Variants in TENM4 observed in about 807,000 individuals in gnomAD.
The protein encoded by TENM4 is teneurin transmembrane protein 4.
TENM4 carries 82 observed loss-of-function variants against 243.3 expected under a neutral mutation model. The observed-to-expected ratio is 0.34, with a 90% CI of 0.28 to 0.40. TENM4 has a LOEUF of 0.40. Ranked by LOEUF, TENM4 falls within the 10% of genes least tolerant of loss-of-function variation. The pLI is 1.00. For missense variants in TENM4, 3,138 were observed against 3,673.3 expected (o/e 0.85, Z 3.77); for synonymous variants, 1,412 against 1,456.3 (o/e 0.97, Z 0.69).
chr11:78,858,294 C>T (rs1394761519), intron 10 of TENM4, among the ~76,000 whole-genome samples: 1 of 152,012 alleles, frequency 6.6e-6, no homozygotes, highest in Non-Finnish European at 1.5e-5. Context: ...CAAAAGGGGA[C>T]TTTTCTAGCA....
intron 15 of TENM4, among the ~76,000 whole-genome samples, chr11:78,800,399 G>A (rs2136073077): frequency 6.6e-6 from 1 of 152,314 alleles, no homozygotes; most frequent in Admixed American, 6.5e-5. Context: ...AAACTAACAT[G>A]ATCTAGGTCT....
At chr11:78,848,293 G>C (rs113285185) in intron 12 of TENM4, among the ~76,000 whole-genome samples, 43 of 152,122 alleles carry the variant, frequency 2.8e-4, no homozygotes, top group African/African-American at 9.9e-4. Context: ...AAAAGCCTGC[G>C]ATAGTGCCTA....
At chr11:78,972,475 T>A (rs1204731895) in intron 6 of TENM4, among the ~76,000 whole-genome samples, 5 of 152,162 alleles carry the variant, frequency 3.3e-5, no homozygotes, top group Non-Finnish European at 7.3e-5. Context: ...TTTAAAAAAA[T>A]TTTTTTAAAA....
intron 2 of TENM4, among the ~76,000 whole-genome samples, chr11:79,276,351 G>A (rs1856055959): frequency 6.6e-6 from 1 of 152,238 alleles, no homozygotes; most frequent in African/African-American, 2.4e-5. Context: ...TGTCTGCCTG[G>A]AGGAAGGGCA....
In TENM4 at chr11:79,186,628, A is replaced by G. The variant is rs530536435; in HGVS notation, c.-163+29180T>C. Among the ~76,000 whole-genome samples the G allele has an allele frequency of 2.3e-4, 35 of 152,318 alleles. 1 individual carries two copies. The highest frequency in any genetic ancestry group is 7.9e-4 in the African/African-American group (33 of 41,580). On this transcript the variant is annotated intron_variant, in intron 3 of 33. Transcript: ENST00000278550. ...TGGTGCGATGATAAACTAGGCTATC[A>G]CCCATGAGACAGGCAATCTGGAGGA...
chr11:78,941,789 C>T (rs1250145990), intron 6 of TENM4, among the ~76,000 whole-genome samples: 14 of 152,352 alleles, frequency 9.2e-5, no homozygotes, highest in African/African-American at 3.4e-4. Flanking sequence ...AGAGAGCTGA[C>T]TCTGACACAA....
At chr11:78,845,407 C>T (rs1470593547) in intron 12 of TENM4, among the ~76,000 whole-genome samples, 2 of 152,310 alleles carry the variant, frequency 1.3e-5, no homozygotes, top group African/African-American at 4.8e-5. Context: ...TCCCACAGCT[C>T]ATAACTAATA....
chr11:79,151,447 A>G (rs749451948), intron 3 of TENM4, among the ~76,000 whole-genome samples: 3 of 152,068 alleles, frequency 2.0e-5, no homozygotes, highest in Non-Finnish European at 4.4e-5. Context: ...TTTTATGTTG[A>G]CTCTTTGAAA....
In TENM4 at chr11:78,669,661, A is replaced by G. The variant is rs776902463; in HGVS notation, c.6684T>C (p.Pro2228=). 6 of 1,613,816 alleles carry G rather than the reference A, an allele frequency of 3.7e-6. No individual in the cohort carries two copies. Among genetic ancestry groups the G allele is most frequent in the Non-Finnish European group, 4.2e-6 (5 of 1,179,874 alleles). The change falls in exon 32 of 34, where the codon CCT becomes CCC. Residue 2228 remains proline, a synonymous_variant. Coordinates refer to ENST00000278550, the MANE Select transcript of TENM4 (RefSeq NM_001098816.3). The surrounding 1 kb of genome is among the most constrained non-coding windows in gnomAD (Gnocchi z 6.4). ...GTGGTGTGAGCCGTGCACTGTTCCC[A>G]GGGCTCAGTAAGTGCAGGTTCCCAT... ...DLNGNLHLLS[P]GNSARLTPLR...
At chr11:78,903,129 T>A in intron 7 of TENM4, 139 bp downstream of exon 7, 1 of 1,245,216 alleles carries the variant, frequency 8.0e-7, no homozygotes, top group Non-Finnish European at 1.0e-6. Context: ...GGGAACCGCA[T>A]CCCTAAACCG....
At chr11:79,002,055 T>C (rs558719557) in intron 6 of TENM4, among the ~76,000 whole-genome samples, 1 of 151,020 alleles carries the variant, frequency 6.6e-6, no homozygotes, top group Admixed American at 6.6e-5. Flanking sequence ...TGTGCAAGCA[T>C]ACCCCACTGC....
chr11:78,765,552 ATACCTTGAAGCTGC>A (rs1856524697), intron 18 of TENM4, among the ~76,000 whole-genome samples: 1 of 152,352 alleles, frequency 6.6e-6, no homozygotes, highest in African/African-American at 2.4e-5. Flanking sequence ...AGAGATTATC[ATACCTTGAAGCTGC>A]TTAAAGATCC....
chr11:78,783,401 T>C (rs1856874807), intron 16 of TENM4, among the ~76,000 whole-genome samples: 2 of 152,176 alleles, frequency 1.3e-5, no homozygotes, highest in African/African-American at 2.4e-5. Flanking sequence ...GCCATGTAAG[T>C]AACAGTAAAA....
rs1231182496 is a variant in TENM4, at chr11:79,139,777, A to AATATATATATTATATATAT, written c.-66+8932_-66+8933insATATATATAATATATATAT. 6.2e-3 allele frequency among the ~76,000 whole-genome samples: 166 copies of AATATATATATTATATATAT among 26,788 alleles called. 17 individuals carry two copies. Among genetic ancestry groups the AATATATATATTATATATAT allele is most frequent in the African/African-American group, 0.028 (127 of 4,606 alleles). The allele number at this position is 26,788 out of a possible 152,430, so 17.6% of individuals were successfully genotyped here. A position where few individuals can be genotyped will look rare whatever the true frequency, so the allele number is the denominator to read the frequency against. ...ATATATTATATTTATATAAATATAT[A>AATATATATATTATATATAT]ATATATATTATATTTATATAAATAT... On this transcript the variant is annotated intron_variant, in intron 4 of 33. Coordinates refer to ENST00000278550, the MANE Select transcript of TENM4 (RefSeq NM_001098816.3).
intron 3 of TENM4, among the ~76,000 whole-genome samples, chr11:79,165,988 A>T (rs541110781): frequency 6.6e-6 from 1 of 152,128 alleles, no homozygotes; most frequent in Non-Finnish European, 1.5e-5. Flanking sequence ...ATTCTGTTCC[A>T]TTGGTCTATA....
At chr11:78,756,691 T>A in intron 19 of TENM4, 114 bp downstream of exon 19, 2 of 975,554 alleles carry the variant, frequency 2.1e-6, no homozygotes, top group Non-Finnish European at 3.1e-6. Context: ...TCAGGAACCA[T>A]GGATGCTCTC....
intron 28 of TENM4, among the ~76,000 whole-genome samples, chr11:78,690,255 G>C (rs1453437957): frequency 6.6e-6 from 1 of 152,138 alleles, no homozygotes; most frequent in Non-Finnish European, 1.5e-5. Context: ...AAAGATCTGA[G>C]ATGCATGTCC....
At chr11:79,388,581 G>A (rs183088876) in intron 1 of TENM4, among the ~76,000 whole-genome samples, 19 of 152,220 alleles carry the variant, frequency 1.2e-4, no homozygotes, top group African/African-American at 3.4e-4. Context: ...GTGGGGCCTC[G>A]TGCACACAGG....
chr11:79,348,006 C>T (rs907900948), intron 1 of TENM4, among the ~76,000 whole-genome samples: 1 of 151,954 alleles, frequency 6.6e-6, no homozygotes, highest in East Asian at 1.9e-4. Context: ...GTCTCGATCT[C>T]CGGACCTCAT....
Sources: allele counts gnomAD v4.1 joint callset (sites outside exome capture counted in the v4.1 genomes callset), GRCh38; gene constraint gnomAD v4.1.1; non-coding constraint Gnocchi (gnomAD v3.1); transcripts MANE v1.5; gene names NCBI Gene and HGNC (gene_info 2026-07-23, HGNC 2026-07-21).